The following EPB41L1 variants were observed in gnomAD, a reference collection of about 807,000 sequenced individuals.
The protein encoded by EPB41L1 is erythrocyte membrane protein band 4.1 like 1.
EPB41L1 carries 29 observed loss-of-function variants against 97.8 expected under a neutral mutation model. The observed-to-expected ratio is 0.30, with a 90% CI of 0.22 to 0.40. EPB41L1 has a LOEUF of 0.40. Among genes scored for constraint, EPB41L1 ranks in the 10% least tolerant of loss-of-function variants. EPB41L1 has a pLI of 1.00. For synonymous variants in EPB41L1, 383 were observed against 459.2 expected, an observed-to-expected ratio of 0.83 and a Z score of 2.12; for missense variants, 812 against 1,162.3, an observed-to-expected ratio of 0.70 and a Z score of 4.38.
chr20:36,155,656 G>C (rs1417884324), intron 1 of EPB41L1: 1 of 456,332 alleles, frequency 2.2e-6, no homozygotes, highest in Admixed American at 2.4e-5. Flanking sequence ...TGGAGACCTT[G>C]AAGTCTGGAC....
intron 7 of EPB41L1, 128 bp from the exon 8 acceptor site, chr20:36,187,548 A>G: frequency 1.3e-6 from 1 of 785,750 alleles, no homozygotes; most frequent in Non-Finnish European, 2.2e-6. Context: ...GCAGAGGGAA[A>G]AGATTAGGGT....
chr20:36,207,408 A>G lies in EPB41L1; in HGVS notation c.1669-2080A>G. 1 of 1,289,728 alleles carries G rather than the reference A, an allele frequency of 7.8e-7. No individual in the cohort carries two copies. The highest frequency in any genetic ancestry group is 1.0e-6 in the Non-Finnish European group (1 of 988,818). 79.9% of individuals were successfully genotyped at this position (1,289,728 alleles called of 1,614,324 possible). A position where few individuals can be genotyped will look rare whatever the true frequency, so the allele number is the denominator to read the frequency against. On this transcript the variant is annotated intron_variant, in intron 14 of 21. Transcript: ENST00000338074. The surrounding 1 kb of genome is among the most constrained non-coding windows in gnomAD (Gnocchi z 4.9). ...TGACCTCTTTCCAGGCTGGGGACCA[A>G]GAGGGCTCCCTAGAAGATATTAGCA...
chr20:36,094,067 A>G (rs1425600577), intron 1 of EPB41L1, among the ~76,000 whole-genome samples: 1 of 152,128 alleles, frequency 6.6e-6, no homozygotes, highest in Admixed American at 6.5e-5. Context: ...CCCTTTCTCC[A>G]AGTACTGGTG....
chr20:36,177,914 G>T, intron 3 of EPB41L1, 38 bp from the exon 4 acceptor site: 4 of 1,546,292 alleles, frequency 2.6e-6, no homozygotes, highest in Non-Finnish European at 3.6e-6. Flanking sequence ...GCCCCGGGGT[G>T]TGCTTCAGCC....
chr20:36,108,223 T>G (rs369509453), intron 1 of EPB41L1, among the ~76,000 whole-genome samples: 185 of 152,102 alleles, frequency 1.2e-3, no homozygotes, highest in African/African-American at 4.2e-3. Flanking sequence ...CAAGAGGTCC[T>G]TCCACCTCAG....
At chr20:36,162,332 C>G (rs2060566320) in intron 1 of EPB41L1, among the ~76,000 whole-genome samples, 1 of 152,192 alleles carries the variant, frequency 6.6e-6, no homozygotes, top group Non-Finnish European at 1.5e-5. Context: ...ATTTCTACAT[C>G]CAGAGCAACA....
chr20:36,190,422 T>C lies in EPB41L1; in HGVS notation c.1124+48T>C. 6.3e-7 allele frequency: 1 copy of C among 1,594,764 alleles called. No individual in the cohort carries two copies. Among genetic ancestry groups the C allele is most frequent in the Non-Finnish European group, 8.6e-7 (1 of 1,165,200 alleles). ...TAATGGGGATGGGGCAGAGGCCATG[T>C]GTATGGAGGGGAGCAGGGGGAGGAG... On this transcript the variant is annotated intron_variant, in intron 10 of 21. Transcript: ENST00000338074. The surrounding 1 kb of genome is among the most constrained non-coding windows in gnomAD (Gnocchi z 5.8).
intron 9 of EPB41L1, among the ~76,000 whole-genome samples, chr20:36,188,951 A>T (rs1401763328): frequency 6.6e-6 from 1 of 152,214 alleles, no homozygotes; most frequent in African/African-American, 2.4e-5. Flanking sequence ...AGATAAATGA[A>T]TACATGTCTG....
chr20:36,205,427 T>C (rs2062745847), intron 14 of EPB41L1, among the ~76,000 whole-genome samples: 1 of 152,214 alleles, frequency 6.6e-6, no homozygotes, highest in Non-Finnish European at 1.5e-5. Context: ...TGGATAACAT[T>C]GTAAGAGTAC....
chr20:36,198,776 G>T (rs1309993853), intron 14 of EPB41L1, among the ~76,000 whole-genome samples: 1 of 152,214 alleles, frequency 6.6e-6, no homozygotes, highest in Non-Finnish European at 1.5e-5. Context: ...TCTCCCTGAA[G>T]CTATTGCTTA....
intron 2 of EPB41L1, among the ~76,000 whole-genome samples, chr20:36,139,179 G>A (rs978232189): frequency 6.6e-6 from 1 of 152,198 alleles, no homozygotes; most frequent in African/African-American, 2.4e-5. Context: ...AGTGTGGGAA[G>A]GGAGACGGCC....
At position 36,219,827 on chromosome 20, in the gene EPB41L1, A is replaced by G. The variant is rs1284645153; in HGVS notation, c.2422A>G (p.Thr808Ala). 2.0e-5 allele frequency: 33 copies of G among 1,613,950 alleles called. No individual in the cohort carries two copies. The highest frequency in any genetic ancestry group is 2.7e-5 in the Non-Finnish European group (32 of 1,180,014). The change falls in exon 19 of 22, where the codon ACC becomes GCC. Residue 808 changes from threonine to alanine, a missense_variant. Around this residue, in one of 3 missense-constraint regions of EPB41L1, gnomAD observed 498 missense variants for 622.7 expected, o/e 0.80. Coordinates refer to ENST00000338074, the MANE Select transcript of EPB41L1 (RefSeq NM_012156.2). ...ATAETLSTST[T>A]THVTKTVKGG... ...TGCGGAAACCCTCTCAACCTCCACC[A>G]CCACCCATGTCACCAAAGTGAGTAG...
chr20:36,198,034 C>A lies in EPB41L1; in HGVS notation c.1661C>A (p.Ala554Asp), dbSNP rs778642222. 1.2e-4 allele frequency: 186 copies of A among 1,613,254 alleles called. No individual in the cohort carries two copies. Among genetic ancestry groups the A allele is most frequent in the Non-Finnish European group, 1.5e-4 (178 of 1,179,886 alleles). ...SPSPKGTPEKANERAGLREGS... is the reference protein window; with the variant it reads ...SPSPKGTPEKDNERAGLREGS... ...TCCCCCAAGGGCACCCCTGAGAAAG[C>A]CAATGAGGTAGGTGTCGCCCTGAAC... Residue 554 changes from alanine to aspartate, a missense_variant, in exon 14 of 22, where the codon GCC (alanine) becomes GAC (aspartate). By Grantham distance (126) the Ala-to-Asp change is moderately radical (BLOSUM62 -2). This residue lies in a region of EPB41L1 where 498 missense variants were observed against 622.7 expected (regional missense o/e 0.80). Coordinates refer to ENST00000338074, the MANE Select transcript of EPB41L1 (RefSeq NM_012156.2).
chr20:36,211,338 G>A (rs2063118457), intron 15 of EPB41L1, among the ~76,000 whole-genome samples: 1 of 152,024 alleles, frequency 6.6e-6, no homozygotes, highest in African/African-American at 2.4e-5. Flanking sequence ...CTGAGATCAC[G>A]CCATTACACT....
At position 36,185,344 on chromosome 20, in the gene EPB41L1, G is replaced by T. The variant is rs1357726746; in HGVS notation, c.785+9G>T. 2 of 1,610,572 alleles carry T rather than the reference G, an allele frequency of 1.2e-6. No homozygotes were observed. Among genetic ancestry groups the T allele is most frequent in the Admixed American group, 3.3e-5 (2 of 59,910 alleles). ...CTGCATAAGACATATAGGTAAGAGG[G>T]TGCCAGCCAGGGCCTTCTGTGGCTC... On this transcript the variant is annotated intron_variant, in intron 7 of 21. Transcript: ENST00000338074.
At chr20:36,132,389 C>T (rs1034128683) in intron 2 of EPB41L1, among the ~76,000 whole-genome samples, 1 of 152,068 alleles carries the variant, frequency 6.6e-6, no homozygotes, top group Admixed American at 6.6e-5. Context: ...CTCCGATTCC[C>T]CCAAATCCCC....
intron 2 of EPB41L1, among the ~76,000 whole-genome samples, chr20:36,142,735 C>CGGGCT (rs1412381234): frequency 6.6e-6 from 1 of 152,108 alleles, no homozygotes; most frequent in African/African-American, 2.4e-5. Context: ...CTTACCTGCC[C>CGGGCT]GGGCTGTGCT....
At chr20:36,200,486 T>G (rs2062438690) in intron 14 of EPB41L1, among the ~76,000 whole-genome samples, 2 of 152,112 alleles carry the variant, frequency 1.3e-5, no homozygotes, top group South Asian at 4.1e-4. Context: ...CAAGTTTCAG[T>G]GTTTAAAGGG....
At chr20:36,214,232 C>A in intron 16 of EPB41L1, 125 bp from the exon 17 acceptor site, 1 of 708,112 alleles carries the variant, frequency 1.4e-6, no homozygotes, top group Non-Finnish European at 2.5e-6. Context: ...CTGTGTGCAG[C>A]CCCCTGCCAG....
Sources: gnomAD v4.1 joint callset for allele counts (sites outside exome capture counted in the v4.1 genomes callset) on GRCh38, gnomAD v4.1.1 for gene constraint, gnomAD v4.1.1 regional missense constraint, Gnocchi (gnomAD v3.1) non-coding constraint, MANE v1.5 for transcripts, NCBI Gene and HGNC (gene_info 2026-07-23, HGNC 2026-07-21) for gene names.